PDK1: variants seen among roughly 807,000 people sequenced by gnomAD.
The protein encoded by PDK1 is pyruvate dehydrogenase kinase 1, also known as [Pyruvate dehydrogenase (acetyl-transferring)] kinase isozyme 1, mitochondrial.
In PDK1, 39 loss-of-function variants were observed where a neutral mutation model predicts 54.2. That is an observed-to-expected ratio of 0.72 (90% CI 0.56 to 0.94). The LOEUF is 0.94. Among genes scored for constraint, PDK1 ranks in the 40% least tolerant of loss-of-function variants. The probability of loss-of-function intolerance (pLI) is 0.00; values close to 1 mark genes in which losing one functional copy is unlikely to be tolerated. For synonymous variants in PDK1, 221 were observed against 207.1 expected (o/e 1.07, Z -0.58); for missense variants, 552 against 566.0 (o/e 0.98, Z 0.25).
the PDK1 span, among the ~76,000 whole-genome samples, chr2:172,687,554 A>T: frequency 6.6e-6 from 1 of 152,008 alleles, no homozygotes; most frequent in Non-Finnish European, 1.5e-5. Flanking sequence ...CTTTTTCCCC[A>T]TTATCCATTC....
the PDK1 span, among the ~76,000 whole-genome samples, chr2:172,720,394 C>T: frequency 6.6e-6 from 1 of 152,126 alleles, no homozygotes; most frequent in East Asian, 1.9e-4. Flanking sequence ...GGTTTACAGG[C>T]GTGAGCTACT....
the PDK1 span, among the ~76,000 whole-genome samples, chr2:172,662,520 A>T: frequency 6.7e-5 from 1 of 14,906 alleles, no homozygotes; most frequent in Admixed American, 6.5e-4. Context: ...GTGTGTGTGT[A>T]AAAGAGCATT....
chr2:172,579,734 C>T (rs6738196), intron 8 of PDK1, among the ~76,000 whole-genome samples: 40,737 of 149,634 alleles, frequency 0.27, 6,945 homozygotes, highest in African/African-American at 0.49. Context: ...TTAAGCTGTG[C>T]TCTGAAGTTT....
chr2:172,692,393 GT>G, the PDK1 span, among the ~76,000 whole-genome samples: 1 of 152,134 alleles, frequency 6.6e-6, no homozygotes, highest in Admixed American at 6.5e-5. Context: ...TATTTTCAAA[GT>G]TTAGAACTTT....
chr2:172,638,622 C>T, the PDK1 span, among the ~76,000 whole-genome samples: 4 of 152,068 alleles, frequency 2.6e-5, no homozygotes, highest in East Asian at 3.8e-4. Flanking sequence ...GCTTCTGGGT[C>T]GGGTGGGGAC....
At chr2:172,613,254 G>A (rs1379184457), downstream of PDK1, among the ~76,000 whole-genome samples, 1 of 152,194 alleles carries the variant, frequency 6.6e-6, no homozygotes, top group Non-Finnish European at 1.5e-5. Context: ...ACTTCCCTAG[G>A]GGTGTGGCCT....
rs759012187 is a variant in PDK1, at chr2:172,556,203, G to C, written c.53G>C (p.Gly18Ala). The change falls in exon 1 of 11, where the codon GGG (glycine) becomes GCG (alanine). Residue 18 changes from glycine (G) to alanine (A), a missense_variant. By Grantham distance (60) the Gly-to-Ala change is moderately conservative. Transcript: ENST00000282077. ...RGAALAGPGPGLRAAGFSRSF... is the reference protein window; with the variant it reads ...RGAALAGPGPALRAAGFSRSF... ...GCCGCCTTGGCCGGCCCGGGCCCGG[G>C]GCTGCGCGCCGCCGGCTTCAGCCGC... is the stretch of plus-strand genomic sequence containing the variant. 36 of 1,417,816 alleles carry C rather than the reference G, an allele frequency of 2.5e-5. No homozygotes were observed. The South Asian group carries it at 5.2e-4, about 20-fold the overall frequency. 87.8% of individuals were successfully genotyped at this position (1,417,816 alleles called of 1,614,324 possible). A position where few individuals can be genotyped will look rare whatever the true frequency, so the allele number is the denominator to read the frequency against.
At chr2:172,706,574 T>C in the PDK1 span, among the ~76,000 whole-genome samples, 3 of 152,114 alleles carry the variant, frequency 2.0e-5, no homozygotes, top group African/African-American at 4.8e-5. Context: ...CATGGGCATG[T>C]GCCACCATGC....
the PDK1 span, among the ~76,000 whole-genome samples, chr2:172,702,445 C>G: frequency 1.3e-5 from 2 of 150,610 alleles, no homozygotes; most frequent in African/African-American, 2.4e-5. Flanking sequence ...CCATTGCACT[C>G]CAGCCTGGGC....
chr2:172,603,408 A>T lies in PDK1; in HGVS notation c.*7439A>T, dbSNP rs1166157146. On this transcript the variant is annotated 3_prime_UTR_variant, in exon 11 of 11. Transcript: ENST00000282077. ...TTTAAGGATCTTACCCAGTGAACAT[A>T]TAACTAGTGGAAATCCTGATAATTG... 2 of 152,232 alleles carry T rather than the reference A, an allele frequency of 1.3e-5. No homozygotes were observed. Among genetic ancestry groups the T allele is most frequent in the African/African-American group, 2.4e-5 (1 of 41,458 alleles). 9.4% of individuals were successfully genotyped at this position (152,232 alleles called of 1,614,324 possible). A position where few individuals can be genotyped will look rare whatever the true frequency, so the allele number is the denominator to read the frequency against.
chr2:172,577,229 A>G (rs1450262846), intron 8 of PDK1, among the ~76,000 whole-genome samples: 1 of 152,118 alleles, frequency 6.6e-6, no homozygotes. Context: ...TTTTGTTTAA[A>G]AGTATATTTT....
At chr2:172,562,543 C>T (rs1379698591) in intron 3 of PDK1, among the ~76,000 whole-genome samples, 1 of 152,232 alleles carries the variant, frequency 6.6e-6, no homozygotes. Context: ...GCCAGTTGGA[C>T]TGTTCACCTG....
chr2:172,632,159 A>G, the PDK1 span, among the ~76,000 whole-genome samples: 11 of 151,944 alleles, frequency 7.2e-5, no homozygotes, highest in African/African-American at 2.2e-4. Flanking sequence ...TCCCAGCTAT[A>G]GGGAGGCTGA....
the PDK1 span, among the ~76,000 whole-genome samples, chr2:172,680,807 G>A: frequency 9.2e-5 from 14 of 152,250 alleles, no homozygotes; most frequent in Non-Finnish European, 1.2e-4. Flanking sequence ...AATGGGTATT[G>A]TGACAGCTTA....
the PDK1 span, among the ~76,000 whole-genome samples, chr2:172,670,141 C>G: frequency 1.3e-5 from 2 of 152,214 alleles, no homozygotes; most frequent in African/African-American, 4.8e-5. Context: ...CAGCCTTCAC[C>G]TCCCGGGCTC....
At chr2:172,706,332 G>A in the PDK1 span, among the ~76,000 whole-genome samples, 2 of 149,914 alleles carry the variant, frequency 1.3e-5, no homozygotes, top group East Asian at 1.9e-4. Flanking sequence ...ATTGCTTATT[G>A]TAACATTTTT....
At chr2:172,556,436 C>T (rs575692055) in intron 1 of PDK1, 90 bp downstream of exon 1, 3 of 979,684 alleles carry the variant, frequency 3.1e-6, no homozygotes, top group African/African-American at 3.4e-5. Context: ...CGCCGGCCAG[C>T]TCTCGCCTGA....
chr2:172,682,932 G>A, the PDK1 span, among the ~76,000 whole-genome samples: 1 of 152,140 alleles, frequency 6.6e-6, no homozygotes, highest in African/African-American at 2.4e-5. Flanking sequence ...TGACAAAAAA[G>A]GAGAGCTGTT....
the PDK1 span, among the ~76,000 whole-genome samples, chr2:172,693,961 C>T: frequency 6.6e-6 from 1 of 152,208 alleles, no homozygotes; most frequent in African/African-American, 2.4e-5. Flanking sequence ...CCCCAGCAAG[C>T]CTCATTATGT....
Sources: gnomAD v4.1 joint callset for allele counts (sites outside exome capture counted in the v4.1 genomes callset) on GRCh38, gnomAD v4.1.1 for gene constraint, MANE v1.5 for transcripts, NCBI Gene and HGNC (gene_info 2026-07-23, HGNC 2026-07-21) for gene names.